The following NTNG1 variants were observed in gnomAD, a reference collection of about 807,000 sequenced individuals.
NTNG1 encodes the protein netrin G1.
Under a neutral mutation model 54.0 loss-of-function variants are expected in NTNG1, and 16 were observed. The ratio of observed to expected loss-of-function variants is 0.30; its 90% CI spans 0.20 to 0.45. The LOEUF (loss-of-function observed/expected upper bound fraction) is 0.45, where lower values mean the gene tolerates loss of function less well. Ranked by LOEUF, NTNG1 falls within the 20% of genes least tolerant of loss-of-function variation. NTNG1 has a pLI of 1.00. For missense variants in NTNG1, 530 were observed against 678.7 expected, an observed-to-expected ratio of 0.78 and a Z score of 2.43; for synonymous variants, 255 against 263.1, an observed-to-expected ratio of 0.97 and a Z score of 0.30.
chr1:107,305,784 C>G (rs558226776), intron 2 of NTNG1, among the ~76,000 whole-genome samples: 1 of 152,072 alleles, frequency 6.6e-6, no homozygotes, highest in Non-Finnish European at 1.5e-5. Context: ...GTTGCCATTG[C>G]TTTTGGTGTT....
At chr1:107,416,207 T>A (rs1223888838) in intron 5 of NTNG1, among the ~76,000 whole-genome samples, 1 of 152,084 alleles carries the variant, frequency 6.6e-6, no homozygotes, top group Non-Finnish European at 1.5e-5. Context: ...TTTGTCCCAC[T>A]GGAGATATGT....
intron 6 of NTNG1, among the ~76,000 whole-genome samples, 192 bp downstream of exon 6, chr1:107,431,109 T>C (rs1322823136): frequency 6.6e-6 from 1 of 152,146 alleles, no homozygotes; most frequent in African/African-American, 2.4e-5. Context: ...GGGATATACT[T>C]TGAACCCTTA....
intron 2 of NTNG1, among the ~76,000 whole-genome samples, chr1:107,287,998 C>A (rs1665309947): frequency 6.6e-6 from 1 of 152,100 alleles, no homozygotes; most frequent in African/African-American, 2.4e-5. Flanking sequence ...TCGCACCTAT[C>A]ATTTAGGAAG....
Position 107,480,775 on chromosome 1 carries a change from C to T in NTNG1, c.1555C>T (p.His519Tyr), listed in dbSNP as rs554918187. The change falls in exon 8 of 8, where the codon CAC becomes TAC. Residue 519 changes from histidine (H) to tyrosine (Y), a missense_variant. This residue lies in a region of NTNG1 where 212 missense variants were observed against 213.6 expected (regional missense o/e 0.99). Transcript: ENST00000370068. The stretch of plus-strand genomic sequence containing the variant: ...CGACTCTGGCCAGGGCGCGCCCCCG[C>T]ACGGCTCCCCAGCGCTGCTGCTGCT... ...GSDSGQGAPP[H>Y]GSPALLLLTT... is the part of the protein sequence containing the mutation. 104 of 1,600,876 alleles carry T rather than the reference C, an allele frequency of 6.5e-5. No individual in the cohort carries two copies. The East Asian group carries it at 2.3e-3, about 35-fold the overall frequency.
chr1:107,414,115 T>C (rs1483941332), intron 5 of NTNG1, among the ~76,000 whole-genome samples: 1 of 152,190 alleles, frequency 6.6e-6, no homozygotes, highest in Non-Finnish European at 1.5e-5. Context: ...AGTTTTCTGT[T>C]TCAAGCTTGC....
intron 3 of NTNG1, among the ~76,000 whole-genome samples, chr1:107,390,961 C>T (rs1214809015): frequency 6.6e-6 from 1 of 152,124 alleles, no homozygotes; most frequent in Non-Finnish European, 1.5e-5. Flanking sequence ...GAAAAGGCAT[C>T]CTGGTGGACC....
intron 4 of NTNG1, among the ~76,000 whole-genome samples, chr1:107,401,275 T>C (rs1243881116): frequency 1.3e-5 from 2 of 152,104 alleles, no homozygotes; most frequent in Non-Finnish European, 1.5e-5. Flanking sequence ...TGGCTCAGAA[T>C]CCTAATTTTG....
intron 5 of NTNG1, among the ~76,000 whole-genome samples, chr1:107,411,945 A>G (rs1673841668): frequency 6.6e-6 from 1 of 152,176 alleles, no homozygotes; most frequent in Non-Finnish European, 1.5e-5. Flanking sequence ...AACAAATCGA[A>G]TATTCCAATG....
chr1:107,274,580 G>C (rs1427290036), intron 2 of NTNG1, among the ~76,000 whole-genome samples: 1 of 152,166 alleles, frequency 6.6e-6, no homozygotes. Flanking sequence ...TAAGGGATTT[G>C]GGGAACAGCA....
At position 107,240,551 on chromosome 1, in the gene NTNG1, G is replaced by A. The variant is rs549542196; in HGVS notation, c.247-83731G>A. ...CATTCTGCTTGTGCAGTGCCCTGCT[G>A]CAGCAGTCATTTGATGTTGTAATAT... On this transcript the variant is annotated intron_variant, in intron 2 of 7. Coordinates refer to ENST00000370068, the MANE Select transcript of NTNG1 (RefSeq NM_001113226.3). Among the ~76,000 whole-genome samples the A allele has an allele frequency of 5.3e-5, 8 of 152,300 alleles. No individual in the cohort carries two copies. The South Asian group carries it at 1.7e-3, about 32-fold the overall frequency.
chr1:107,165,262 A>T (rs1027342163), intron 2 of NTNG1, among the ~76,000 whole-genome samples: 1 of 152,192 alleles, frequency 6.6e-6, no homozygotes, highest in Admixed American at 6.5e-5. Context: ...AGAATCAAAG[A>T]ATAAGAGAGC....
intron 3 of NTNG1, among the ~76,000 whole-genome samples, chr1:107,388,816 G>A (rs1249444857): frequency 2.0e-5 from 3 of 152,164 alleles, no homozygotes; most frequent in African/African-American, 7.2e-5. Context: ...AAATTCATGT[G>A]TCTATGTAAA....
chr1:107,341,945 C>T (rs571755432), intron 3 of NTNG1, among the ~76,000 whole-genome samples: 1 of 151,950 alleles, frequency 6.6e-6, no homozygotes, highest in South Asian at 2.1e-4. Context: ...GAAATTGGAA[C>T]AGGGGTTCCG....
chr1:107,189,814 A>G (rs992435726), intron 2 of NTNG1, among the ~76,000 whole-genome samples: 1 of 69,558 alleles, frequency 1.4e-5, no homozygotes, highest in African/African-American at 3.1e-5. Context: ...TACCAAGTCA[A>G]AAGTTAAAAA....
intron 2 of NTNG1, among the ~76,000 whole-genome samples, chr1:107,201,607 A>G (rs1658764551): frequency 6.6e-6 from 1 of 151,792 alleles, no homozygotes; most frequent in Non-Finnish European, 1.5e-5. Context: ...ATTGTAGATG[A>G]TTAGGTTGGG....
At chr1:107,420,969 A>T in intron 5 of NTNG1, 1 of 718,250 alleles carries the variant, frequency 1.4e-6, no homozygotes, top group East Asian at 2.7e-5. Context: ...AACAACAGAT[A>T]CAAATAGTCT....
rs1175540384 is a variant in NTNG1 at position 107,156,141 on chromosome 1, A to C, written c.246+7302A>C. On this transcript the variant is annotated intron_variant, in intron 2 of 7. Transcript: ENST00000370068. ...AAGTGACACGTGACTGTATTTGATT[A>C]CCGTAATGTTTTCTATTTCTTGAGC... Among the ~76,000 whole-genome samples the C allele has an allele frequency of 3.3e-5, 5 of 152,326 alleles. 1 individual carries two copies. The East Asian group carries it at 9.6e-4, about 29-fold the overall frequency.
rs143770283 is a variant in NTNG1, at chr1:107,413,993, C to G, written c.1087+6285C>G. 1.7e-3 allele frequency among the ~76,000 whole-genome samples: 264 copies of G among 152,268 alleles called. 1 individual carries two copies. The highest frequency in any genetic ancestry group is 5.7e-3 in the African/African-American group (238 of 41,576). ...ATTTTACAATGTTCTTAAAGGCCAT[C>G]CACAAAATGACTTGAAAGCTGCTCA... On this transcript the variant is annotated intron_variant, in intron 5 of 7. Coordinates refer to ENST00000370068, the MANE Select transcript of NTNG1 (RefSeq NM_001113226.3).
At chr1:107,374,346 C>T (rs1482006527) in intron 3 of NTNG1, among the ~76,000 whole-genome samples, 1 of 152,086 alleles carries the variant, frequency 6.6e-6, no homozygotes, top group Non-Finnish European at 1.5e-5. Context: ...CTCTCTTCTC[C>T]TTTGACTATT....
Sources: gnomAD v4.1 joint callset for allele counts (sites outside exome capture counted in the v4.1 genomes callset) on GRCh38, gnomAD v4.1.1 for gene constraint, gnomAD v4.1.1 regional missense constraint, MANE v1.5 for transcripts, NCBI Gene and HGNC (gene_info 2026-07-23, HGNC 2026-07-21) for gene names.